Variants in CPNE1 observed in about 807,000 individuals in gnomAD.
CPNE1 encodes the protein copine 1, also known as copine-1.
In CPNE1, 58 loss-of-function variants were observed where a neutral mutation model predicts 63.2. The ratio of observed to expected loss-of-function variants is 0.92; its 90% CI spans 0.74 to 1.14. The LOEUF (loss-of-function observed/expected upper bound fraction) is 1.14. Ranked by LOEUF, CPNE1 falls within the 50% of genes most tolerant of loss-of-function variation. The pLI is 0.00. For missense variants in CPNE1, 672 were observed against 661.7 expected, an observed-to-expected ratio of 1.02 and a Z score of -0.17; for synonymous variants, 237 against 249.0, an observed-to-expected ratio of 0.95 and a Z score of 0.45.
At chr20:35,663,069 GCC>G (rs2034324245) in intron 1 of CPNE1, among the ~76,000 whole-genome samples, 1 of 151,956 alleles carries the variant, frequency 6.6e-6, no homozygotes, top group African/African-American at 2.4e-5. Flanking sequence ...GTATAAACAC[GCC>G]AAACATTTCA....
Position 35,657,679 on chromosome 20 carries a change from G to A in CPNE1, c.-1+7081C>T, listed in dbSNP as rs117874477. On this transcript the variant is annotated intron_variant, in intron 1 of 15. Transcript: ENST00000397443. ...CTGCCTCAGATTACCAGCTGGAAAG[G>A]GCTGAATATTAAACCAAAGTGGAAT... is the stretch of plus-strand genomic sequence containing the variant. Among the ~76,000 whole-genome samples the A allele has an allele frequency of 2.8e-4, 42 of 152,262 alleles. No homozygotes were observed. In the East Asian group the frequency reaches 7.9e-3, roughly 29 times the overall value.
chr20:35,629,352 C>T (rs1378393388), intron 13 of CPNE1, among the ~76,000 whole-genome samples: 2 of 152,142 alleles, frequency 1.3e-5, no homozygotes, highest in African/African-American at 2.4e-5. Flanking sequence ...CTTGTGCCCC[C>T]TTGGGGGTAC....
At position 35,627,365 on chromosome 20, in the gene CPNE1, C is replaced by G. The variant is rs148978209; in HGVS notation, c.1151G>C (p.Arg384Pro). 4.3e-6 allele frequency: 7 copies of G among 1,614,064 alleles called. No homozygotes were observed. The highest frequency in any genetic ancestry group is 5.9e-6 in the Non-Finnish European group (7 of 1,180,008). The change falls in exon 14 of 16, where the codon CGC (arginine) becomes CCC (proline). Residue 384 changes from arginine (R) to proline (P), a missense_variant. By Grantham distance (103) the Arg-to-Pro change is moderately radical. Transcript: ENST00000397443. ...DAYRQALPQVRLYGPTNFAPI... is the reference protein window; with the variant it reads ...DAYRQALPQVPLYGPTNFAPI... ...TGCAAAGTTGGTAGGGCCATAGAGG[C>G]GAACTTGGGGCAGGGCTTGGCGGTA...
Position 35,631,721 on chromosome 20 carries a change from A to C in CPNE1, c.594T>G (p.His198Gln). Residue 198 changes from histidine to glutamine, a missense_variant, in exon 7 of 16, where the codon CAT (histidine) becomes CAG (glutamine). By Grantham distance (24) the His-to-Gln change is conservative. Transcript: ENST00000397443. ...TWKRFSVPVQHFCGGNPSTPI... is the reference protein window; with the variant it reads ...TWKRFSVPVQQFCGGNPSTPI... ...GTGTGCTGGGGTTCCCACCACAGAA[A>C]TGCTGAACGGGGACTGAGAAACGCT... 3 of 1,614,070 alleles carry C rather than the reference A, an allele frequency of 1.9e-6. No individual in the cohort carries two copies. The highest frequency in any genetic ancestry group is 2.5e-6 in the Non-Finnish European group (3 of 1,179,990).
rs2032205269 is a variant in CPNE1, at chr20:35,632,300, G to A, written c.384+11C>T. On this transcript the variant is annotated intron_variant, in intron 4 of 15. Coordinates refer to ENST00000397443, the MANE Select transcript of CPNE1 (RefSeq NM_152925.3). ...GTTAAGTCCCTCCTCAACCCTTGCTGGGTTCCTTACCGTGATGGTCCCCCG... is the reference window on the plus strand; with the variant it reads ...GTTAAGTCCCTCCTCAACCCTTGCTAGGTTCCTTACCGTGATGGTCCCCCG... The A allele has an allele frequency of 6.2e-7, 1 of 1,613,976 alleles. No homozygotes were observed. Among genetic ancestry groups the A allele is most frequent in the South Asian group, 1.1e-5 (1 of 91,078 alleles).
intron 1 of CPNE1, chr20:35,649,038 G>A (rs2033319804): frequency 6.6e-6 from 1 of 152,642 alleles, no homozygotes; most frequent in South Asian, 2.1e-4. Flanking sequence ...TGCCAAGGCA[G>A]TATTTGCTGG....
Position 35,630,752 on chromosome 20 carries a change from G to A in CPNE1, c.1039C>T (p.Pro347Ser), listed in dbSNP as rs138480523. Residue 347 changes from proline (P) to serine (S), a missense_variant, in exon 12 of 16, where the codon CCT becomes TCT. Transcript: ENST00000397443. Reference sequence around the variant, plus strand: ...GAGAGGGAGCTCACCTGCCAGTCAGGGGGAACCTGGGCCCCAAATCCAAAT... The same window carrying A: ...GAGAGGGAGCTCACCTGCCAGTCAGAGGGAACCTGGGCCCCAAATCCAAAT... ...PAFGFGAQVPPDWQVSHEFAL... is the reference protein window; with the variant it reads ...PAFGFGAQVPSDWQVSHEFAL... The A allele has an allele frequency of 4.7e-4, 752 of 1,614,004 alleles. 13 individuals are homozygous for A. The South Asian group carries it at 5.3e-3, about 11-fold the overall frequency.
chr20:35,628,592 T>C (rs1473496694), intron 13 of CPNE1, among the ~76,000 whole-genome samples: 2 of 152,216 alleles, frequency 1.3e-5, no homozygotes, highest in Non-Finnish European at 2.9e-5. Context: ...TGAGGATTTA[T>C]CAGGTAAACC....
At chr20:35,629,348 C>G (rs1052281291) in intron 13 of CPNE1, among the ~76,000 whole-genome samples, 2 of 152,162 alleles carry the variant, frequency 1.3e-5, no homozygotes, top group African/African-American at 4.8e-5. Context: ...TCAGCTTGTG[C>G]CCCCTTGGGG....
At chr20:35,628,250 AT>A (rs1320667915) in intron 13 of CPNE1, among the ~76,000 whole-genome samples, 1 of 152,050 alleles carries the variant, frequency 6.6e-6, no homozygotes, top group African/African-American at 2.4e-5. Flanking sequence ...GCGCCACCGC[AT>A]TCCAGCCTGG....
intron 1 of CPNE1, among the ~76,000 whole-genome samples, chr20:35,657,811 A>G (rs1488275958): frequency 6.6e-6 from 1 of 152,192 alleles, no homozygotes; most frequent in Non-Finnish European, 1.5e-5. Context: ...CTGTAACCCC[A>G]GCACTTTGGG....
intron 1 of CPNE1, among the ~76,000 whole-genome samples, chr20:35,663,436 T>C (rs147742916): frequency 2.0e-3 from 300 of 152,280 alleles, no homozygotes; most frequent in Middle Eastern, 3.4e-3. Flanking sequence ...AGCTCTAAAA[T>C]ACTGCAGTCA....
At chr20:35,630,009 T>C (rs993117937) in intron 13 of CPNE1, among the ~76,000 whole-genome samples, 1 of 152,164 alleles carries the variant, frequency 6.6e-6, no homozygotes, top group East Asian at 1.9e-4. Context: ...ATCCACCCTC[T>C]GGGTCAGGCG....
chr20:35,655,126 C>A, intron 1 of CPNE1: 1 of 1,614,142 alleles, frequency 6.2e-7, no homozygotes, highest in Non-Finnish European at 8.5e-7. Flanking sequence ...TACTTTTGAC[C>A]CTTTAATTGT....
intron 1 of CPNE1, among the ~76,000 whole-genome samples, chr20:35,637,757 A>G (rs1374282636): frequency 2.0e-5 from 3 of 152,186 alleles, no homozygotes; most frequent in African/African-American, 7.2e-5. Flanking sequence ...CACTTAAGAT[A>G]AAACCCAAAG....
At chr20:35,639,994 A>T (rs2032715695) in intron 1 of CPNE1, among the ~76,000 whole-genome samples, 2 of 152,184 alleles carry the variant, frequency 1.3e-5, no homozygotes, top group Admixed American at 1.3e-4. Flanking sequence ...CCTCAGTAGG[A>T]TAAGGGGCTG....
Position 35,631,696 on chromosome 20 carries a change from G to T in CPNE1, c.619C>A (p.Pro207Thr). 1 of 1,613,942 alleles carries T rather than the reference G, an allele frequency of 6.2e-7. No individual in the cohort carries two copies. Among genetic ancestry groups the T allele is most frequent in the African/African-American group, 1.3e-5 (1 of 75,030 alleles). Reference protein sequence around the residue: ...QHFCGGNPSTPIQVQCSDYDS... With the variant: ...QHFCGGNPSTTIQVQCSDYDS... Reference sequence around the variant, plus strand: ...GGGGGCAAGCTCCTCACCTGGATGGGTGTGCTGGGGTTCCCACCACAGAAA... The same window carrying T: ...GGGGGCAAGCTCCTCACCTGGATGGTTGTGCTGGGGTTCCCACCACAGAAA... Residue 207 changes from proline (P) to threonine (T), a missense_variant, in exon 7 of 16, where the codon CCC becomes ACC. Coordinates refer to ENST00000397443, the MANE Select transcript of CPNE1 (RefSeq NM_152925.3).
chr20:35,660,384 T>C (rs1465765748), intron 1 of CPNE1, among the ~76,000 whole-genome samples: 1 of 152,142 alleles, frequency 6.6e-6, no homozygotes, highest in Non-Finnish European at 1.5e-5. Context: ...CCGCAGCTTA[T>C]TTTTGTATTT....
intron 1 of CPNE1, among the ~76,000 whole-genome samples, chr20:35,638,208 G>A (rs2032597395): frequency 6.6e-6 from 1 of 152,154 alleles, no homozygotes; most frequent in Non-Finnish European, 1.5e-5. Context: ...ATGTGCTTTT[G>A]CTCAAGTCAC....
Sources: gnomAD v4.1 joint callset for allele counts (sites outside exome capture counted in the v4.1 genomes callset) on GRCh38, gnomAD v4.1.1 for gene constraint, MANE v1.5 for transcripts, NCBI Gene and HGNC (gene_info 2026-07-23, HGNC 2026-07-21) for gene names.